The following BLTP1 variants were observed in gnomAD, a reference collection of about 807,000 sequenced individuals.
BLTP1 encodes fragile site-associated protein.
chr4:122,288,105 A>T, the BLTP1 span, among the ~76,000 whole-genome samples: 7 of 152,194 alleles, frequency 4.6e-5, no homozygotes, highest in Admixed American at 4.6e-4. Flanking sequence ...TATGGCCTGA[A>T]ATAAACATAC....
At chr4:122,229,918 C>T in the BLTP1 span, 1 of 1,599,714 alleles carries the variant, frequency 6.3e-7, no homozygotes, top group Non-Finnish European at 8.5e-7. Context: ...TCATTTTCTT[C>T]ATTCAATTTT....
chr4:122,292,923 G>A, the BLTP1 span: 2 of 273,960 alleles, frequency 7.3e-6, no homozygotes, highest in Non-Finnish European at 1.1e-5. Flanking sequence ...GGGTTGGAAA[G>A]GAGCCTCAAG....
chr4:122,350,316 C>T, the BLTP1 span: 7 of 985,140 alleles, frequency 7.1e-6, no homozygotes, highest in Non-Finnish European at 8.4e-6. Flanking sequence ...CATACCCACT[C>T]CACGCTCTTG....
the BLTP1 span, chr4:122,298,814 G>A: frequency 1.0e-6 from 1 of 957,628 alleles, no homozygotes. Flanking sequence ...CCTTTCAAGA[G>A]AGGGACAGTT....
At chr4:122,211,185 G>T in the BLTP1 span, 4 of 1,160,862 alleles carry the variant, frequency 3.4e-6, no homozygotes, top group African/African-American at 4.6e-5. Context: ...GAAATAGCCA[G>T]TTGGATTATT....
chr4:122,263,978 G>C, the BLTP1 span: 10 of 472,154 alleles, frequency 2.1e-5, no homozygotes, highest in Non-Finnish European at 2.8e-5. Context: ...TAAACCTTTA[G>C]TTACTTAACA....
chr4:122,270,587 CCTAT>C, the BLTP1 span, among the ~76,000 whole-genome samples: 2 of 151,772 alleles, frequency 1.3e-5, no homozygotes, highest in Non-Finnish European at 2.9e-5. Flanking sequence ...ATGAGGGCTT[CCTAT>C]CTAATATCAA....
At chr4:122,202,229 C>A in the BLTP1 span, among the ~76,000 whole-genome samples, 1 of 151,996 alleles carries the variant, frequency 6.6e-6, no homozygotes, top group Non-Finnish European at 1.5e-5. Context: ...TTTTGACAGT[C>A]CCTGGCAAGT....
At chr4:122,200,150 C>A in the BLTP1 span, 1 of 904,660 alleles carries the variant, frequency 1.1e-6, no homozygotes, top group Non-Finnish European at 1.3e-6. Flanking sequence ...CTGCAATTAA[C>A]AGGAATATAT....
At chr4:122,228,071 G>A in the BLTP1 span, among the ~76,000 whole-genome samples, 18 of 151,718 alleles carry the variant, frequency 1.2e-4, no homozygotes, top group South Asian at 2.9e-3. Context: ...CCACCACCAC[G>A]CCCGGCTAAT....
At chr4:122,250,721 G>C in the BLTP1 span, 1 of 848,596 alleles carries the variant, frequency 1.2e-6, no homozygotes, top group Non-Finnish European at 1.8e-6. Flanking sequence ...GTTAGTCAAA[G>C]TGTGTTGGTG....
chr4:122,234,987 T>A, the BLTP1 span: 3 of 1,609,320 alleles, frequency 1.9e-6, no homozygotes, highest in Non-Finnish European at 2.5e-6. Flanking sequence ...GCCTGGAGAA[T>A]GGATAATTAC....
At chr4:122,291,584 G>C in the BLTP1 span, 1 of 239,500 alleles carries the variant, frequency 4.2e-6, no homozygotes, top group Non-Finnish European at 6.7e-6. Flanking sequence ...TTAAAAAATT[G>C]ATTACCTTAT....
At chr4:122,328,584 T>C in the BLTP1 span, 4 of 886,630 alleles carry the variant, frequency 4.5e-6, no homozygotes, top group Non-Finnish European at 5.4e-6. Flanking sequence ...TTTTTTTTCA[T>C]GTCACCTAAG....
chr4:122,298,853 A>G, the BLTP1 span: 5 of 984,970 alleles, frequency 5.1e-6, no homozygotes, highest in Non-Finnish European at 6.0e-6. Flanking sequence ...AGAAACTGGG[A>G]CTGAAAGACA....
At chr4:122,200,159 A>T in the BLTP1 span, 1 of 900,594 alleles carries the variant, frequency 1.1e-6, no homozygotes, top group Non-Finnish European at 1.3e-6. Context: ...ACAGGAATAT[A>T]TAAAATACTA....
the BLTP1 span, among the ~76,000 whole-genome samples, chr4:122,158,912 C>T: frequency 1.1e-4 from 16 of 152,182 alleles, no homozygotes; most frequent in African/African-American, 2.6e-4. Context: ...CAGAGTTCTT[C>T]GATATATAAG....
the BLTP1 span, chr4:122,199,797 C>A: frequency 4.7e-6 from 2 of 422,310 alleles, no homozygotes. Flanking sequence ...TTTCTAGCCC[C>A]GCTGGATTTC....
the BLTP1 span, among the ~76,000 whole-genome samples, chr4:122,360,531 T>C: frequency 1.8e-4 from 27 of 152,330 alleles, no homozygotes; most frequent in African/African-American, 6.3e-4. Flanking sequence ...CAAAATGATA[T>C]ACATTTTATT....
Sources: allele counts gnomAD v4.1 joint callset (sites outside exome capture counted in the v4.1 genomes callset), GRCh38; gene constraint gnomAD v4.1.1; transcripts MANE v1.5; gene names NCBI Gene and HGNC (gene_info 2026-07-23, HGNC 2026-07-21).